The following CYP7B1 variants were observed in gnomAD, a reference collection of about 807,000 sequenced individuals.
The protein encoded by CYP7B1 is cytochrome P450 7B1.
In CYP7B1, 29 loss-of-function variants were observed where a neutral mutation model predicts 42.7. The observed-to-expected ratio is 0.68, with a 90% CI of 0.51 to 0.93. CYP7B1 has a LOEUF of 0.93. Ranked by LOEUF, CYP7B1 falls within the 40% of genes least tolerant of loss-of-function variation. The pLI is 0.00. For synonymous variants in CYP7B1, 235 were observed against 218.2 expected, an observed-to-expected ratio of 1.08 and a Z score of -0.68; for missense variants, 655 against 600.5, an observed-to-expected ratio of 1.09 and a Z score of -0.95.
intron 1 of CYP7B1, among the ~76,000 whole-genome samples, chr8:64,636,130 ATTAAC>A (rs1585821839): frequency 6.6e-6 from 1 of 152,268 alleles, no homozygotes; most frequent in Middle Eastern, 3.4e-3. Context: ...GCCTTTCTCT[ATTAAC>A]TTAACCCTGG....
intron 1 of CYP7B1, among the ~76,000 whole-genome samples, chr8:64,704,443 T>G: frequency 6.6e-6 from 1 of 152,200 alleles, no homozygotes; most frequent in Non-Finnish European, 1.5e-5. Context: ...AACATCTCAA[T>G]GTGTAGCATT....
chr8:64,624,929 C>T (rs1190514493), intron 1 of CYP7B1, among the ~76,000 whole-genome samples: 6 of 143,206 alleles, frequency 4.2e-5, no homozygotes, highest in Non-Finnish European at 3.0e-5. Context: ...CCCACTGAGT[C>T]CCCAAAGTCC....
chr8:64,618,473 G>A (rs1805479506), intron 2 of CYP7B1, among the ~76,000 whole-genome samples: 2 of 152,034 alleles, frequency 1.3e-5, no homozygotes, highest in Non-Finnish European at 2.9e-5. Flanking sequence ...AGACATGACA[G>A]CATGAGCTAC....
intron 1 of CYP7B1, among the ~76,000 whole-genome samples, chr8:64,755,869 A>C (rs1431047410): frequency 6.6e-6 from 1 of 152,182 alleles, no homozygotes; most frequent in African/African-American, 2.4e-5. Flanking sequence ...TCAACATTTC[A>C]CTTAATTGGA....
intron 1 of CYP7B1, among the ~76,000 whole-genome samples, chr8:64,739,126 C>A (rs972460024): frequency 2.0e-5 from 3 of 152,192 alleles, no homozygotes; most frequent in Non-Finnish European, 4.4e-5. Flanking sequence ...ACCCCCGCCC[C>A]AGGCACAGGG....
intron 1 of CYP7B1, among the ~76,000 whole-genome samples, chr8:64,731,786 G>A (rs1394870579): frequency 6.6e-6 from 1 of 152,208 alleles, no homozygotes; most frequent in East Asian, 1.9e-4. Context: ...CTTGTGACAT[G>A]GTGTCCGGTG....
At chr8:64,730,798 G>A (rs1038878514) in intron 1 of CYP7B1, among the ~76,000 whole-genome samples, 4 of 137,988 alleles carry the variant, frequency 2.9e-5, no homozygotes, top group Non-Finnish European at 4.5e-5. Context: ...CTGTATATAT[G>A]AAATGGTCTG....
intron 1 of CYP7B1, among the ~76,000 whole-genome samples, chr8:64,719,215 T>C (rs918182850): frequency 6.6e-6 from 1 of 152,090 alleles, no homozygotes; most frequent in African/African-American, 2.4e-5. Flanking sequence ...AAGGTCTCTT[T>C]CTCCCCTCCG....
At chr8:64,590,574 G>A (rs1397648327), downstream of CYP7B1, among the ~76,000 whole-genome samples, 1 of 152,092 alleles carries the variant, frequency 6.6e-6, no homozygotes, top group Non-Finnish European at 1.5e-5. Context: ...AGGTCAGCCT[G>A]CCTAGAATAA....
chr8:64,758,442 C>T (rs1807838549), intron 1 of CYP7B1, among the ~76,000 whole-genome samples: 1 of 152,194 alleles, frequency 6.6e-6, no homozygotes, highest in African/African-American at 2.4e-5. Flanking sequence ...AGCTTTGAAA[C>T]ATCTCTCCTA....
chr8:64,753,104 G>C (rs1585894997), intron 1 of CYP7B1, among the ~76,000 whole-genome samples: 1 of 152,258 alleles, frequency 6.6e-6, no homozygotes, highest in Non-Finnish European at 1.5e-5. Context: ...TTAAAGAGAA[G>C]ACTTTTATTT....
At chr8:64,740,078 A>G (rs1171296077) in intron 1 of CYP7B1, among the ~76,000 whole-genome samples, 1 of 152,148 alleles carries the variant, frequency 6.6e-6, no homozygotes, top group South Asian at 2.1e-4. Context: ...ACATGGATCT[A>G]TATAGAGAGG....
At chr8:64,623,272 G>A (rs1415852771) in intron 2 of CYP7B1, among the ~76,000 whole-genome samples, 1 of 152,124 alleles carries the variant, frequency 6.6e-6, no homozygotes, top group Non-Finnish European at 1.5e-5. Context: ...AGGATGTGGT[G>A]GAAGTAAGGT....
intron 1 of CYP7B1, among the ~76,000 whole-genome samples, chr8:64,762,166 A>G (rs957065538): frequency 6.6e-6 from 1 of 152,216 alleles, no homozygotes; most frequent in Non-Finnish European, 1.5e-5. Context: ...AGCTTTTTTT[A>G]GTGCACTAAT....
intron 4 of CYP7B1, among the ~76,000 whole-genome samples, chr8:64,606,928 G>C (rs1172269830): frequency 6.6e-6 from 1 of 152,150 alleles, no homozygotes; most frequent in African/African-American, 2.4e-5. Context: ...GCTATACGTT[G>C]AGAAGAATGA....
intron 1 of CYP7B1, among the ~76,000 whole-genome samples, chr8:64,770,115 T>C (rs1398534335): frequency 6.6e-6 from 1 of 152,138 alleles, no homozygotes; most frequent in Non-Finnish European, 1.5e-5. Flanking sequence ...GGGAAGCAGA[T>C]TGTCATCAAG....
At chr8:64,786,035 G>C (rs926418599) in intron 1 of CYP7B1, among the ~76,000 whole-genome samples, 4 of 152,208 alleles carry the variant, frequency 2.6e-5, no homozygotes, top group African/African-American at 9.6e-5. Flanking sequence ...AGAACATTAT[G>C]AGGGAAATAA....
At position 64,624,408 on chromosome 8, in the gene CYP7B1, A is replaced by G; in HGVS notation, c.254T>C (p.Leu85Pro). 1 of 1,613,958 alleles carries G rather than the reference A, an allele frequency of 6.2e-7. No homozygotes were observed. The highest frequency in any genetic ancestry group is 8.5e-7 in the Non-Finnish European group (1 of 1,179,922). ...TTAATAGAAGTGCTTCTTACCACCAAGAAGAACTGTGAAAGTGTCACCATG... is the reference window on the plus strand; with the variant it reads ...TTAATAGAAGTGCTTCTTACCACCAGGAAGAACTGTGAAAGTGTCACCATG... ...KQHGDTFTVL[L>P]GGKYITFILD... Residue 85 changes from leucine (L) to proline (P), a missense_variant, in exon 2 of 6, where the codon CTT (leucine) becomes CCT (proline). Transcript: ENST00000310193.
rs111864854 is a variant in CYP7B1 at position 64,622,061 on chromosome 8, C to A, written c.259+2342G>T. 3.2e-3 allele frequency among the ~76,000 whole-genome samples: 490 copies of A among 152,280 alleles called. 8 individuals are homozygous for A. Among genetic ancestry groups the A allele is most frequent in the African/African-American group, 0.012 (478 of 41,554 alleles). On this transcript the variant is annotated intron_variant, in intron 2 of 5. Transcript: ENST00000310193. Reference sequence around the variant, plus strand: ...CTGATACTGTCTGTCCATGGGAGAACTCAATCATGCTGATAATTTCCTCCA... The same window carrying A: ...CTGATACTGTCTGTCCATGGGAGAAATCAATCATGCTGATAATTTCCTCCA...
Sources: allele counts gnomAD v4.1 joint callset (sites outside exome capture counted in the v4.1 genomes callset), GRCh38; gene constraint gnomAD v4.1.1; transcripts MANE v1.5; gene names NCBI Gene and HGNC (gene_info 2026-07-23, HGNC 2026-07-21).